Variants in TANC1 observed in about 807,000 individuals in gnomAD.
The protein encoded by TANC1 is protein TANC1.
Under a neutral mutation model 149.7 loss-of-function variants are expected in TANC1, and 77 were observed. That is an observed-to-expected ratio of 0.51 (90% CI 0.43 to 0.62). TANC1 has a LOEUF of 0.62. Among genes scored for constraint, TANC1 ranks in the 20% least tolerant of loss-of-function variants. The probability of loss-of-function intolerance (pLI) is 0.00; values close to 1 mark genes in which losing one functional copy is unlikely to be tolerated. For missense variants in TANC1, 1,985 were observed against 2,321.8 expected (o/e 0.85, Z 2.98); for synonymous variants, 854 against 925.0 (o/e 0.92, Z 1.39).
At chr2:159,015,222 G>A (rs2038149219) in intron 2 of TANC1, among the ~76,000 whole-genome samples, 1 of 152,220 alleles carries the variant, frequency 6.6e-6, no homozygotes, top group Admixed American at 6.5e-5. Flanking sequence ...TGACTTCTGT[G>A]CACTGGCAGG....
chr2:158,986,650 T>C (rs1463394668), intron 1 of TANC1, among the ~76,000 whole-genome samples: 1 of 152,160 alleles, frequency 6.6e-6, no homozygotes, highest in Non-Finnish European at 1.5e-5. Flanking sequence ...GAGAAATGTT[T>C]GGCTTTCCCA....
chr2:159,038,255 T>G (rs1460319428), intron 2 of TANC1, among the ~76,000 whole-genome samples: 5 of 152,244 alleles, frequency 3.3e-5, no homozygotes. Context: ...GATTTTGGGC[T>G]GAGACGATGG....
intron 15 of TANC1, 27 bp from the exon 16 acceptor site, chr2:159,186,875 T>A: frequency 6.2e-7 from 1 of 1,614,016 alleles, no homozygotes; most frequent in Non-Finnish European, 8.5e-7. Context: ...TCTGATTGTT[T>A]CCAAGATCTG....
At chr2:158,981,583 G>A (rs1332238617) in intron 1 of TANC1, among the ~76,000 whole-genome samples, 1 of 133,094 alleles carries the variant, frequency 7.5e-6, no homozygotes, top group East Asian at 2.2e-4. Flanking sequence ...AGGTTTATTA[G>A]TATATCAAAG....
At chr2:159,138,000 T>G (rs1315467155) in intron 5 of TANC1, among the ~76,000 whole-genome samples, 3 of 152,220 alleles carry the variant, frequency 2.0e-5, no homozygotes, top group African/African-American at 7.2e-5. Flanking sequence ...TCTCCCTTGC[T>G]CAAAGCAGAA....
At chr2:159,119,172 A>T (rs1261646021) in intron 4 of TANC1, among the ~76,000 whole-genome samples, 1 of 152,174 alleles carries the variant, frequency 6.6e-6, no homozygotes, top group Non-Finnish European at 1.5e-5. Context: ...AAATGTCTTC[A>T]GATGTTTTTG....
At chr2:159,195,460 G>A (rs56157902) in intron 17 of TANC1, among the ~76,000 whole-genome samples, 3 of 151,966 alleles carry the variant, frequency 2.0e-5, no homozygotes, top group Admixed American at 6.6e-5. Flanking sequence ...GAATGATATC[G>A]AGCTCACAGT....
At chr2:159,197,117 C>A (rs991779243) in intron 18 of TANC1, among the ~76,000 whole-genome samples, 9 of 152,132 alleles carry the variant, frequency 5.9e-5, no homozygotes, top group Non-Finnish European at 8.8e-5. Context: ...CCCTTTGATT[C>A]GTTTCTTCTG....
intron 19 of TANC1, among the ~76,000 whole-genome samples, chr2:159,210,220 G>A (rs577313295): frequency 1.1e-4 from 16 of 152,262 alleles, no homozygotes; most frequent in South Asian, 4.1e-4. Context: ...TTCTGTGTGC[G>A]CTGACCCTGC....
At chr2:159,116,457 A>C (rs13008958) in intron 4 of TANC1, among the ~76,000 whole-genome samples, 26,489 of 97,834 alleles carry the variant, frequency 0.27, 2,527 homozygotes, top group South Asian at 0.37. Context: ...ACAACAACAA[A>C]AAAAAAAAAA....
At position 159,015,267 on chromosome 2, in the gene TANC1, C is replaced by T. The variant is rs185303786; in HGVS notation, c.-16+14078C>T. Among the ~76,000 whole-genome samples the T allele has an allele frequency of 4.5e-3, 688 of 152,328 alleles. 5 individuals carry two copies. The highest frequency in any genetic ancestry group is 0.015 in the African/African-American group (642 of 41,578). ...ATGTGGAAGCTGCCAAGGCTTGGGG[C>T]TTATACCCTCTGAGGCCACAGTCCA... On this transcript the variant is annotated intron_variant, in intron 2 of 26. Transcript: ENST00000263635.
intron 10 of TANC1, among the ~76,000 whole-genome samples, chr2:159,171,793 G>T (rs1292166424): frequency 6.7e-6 from 1 of 148,844 alleles, no homozygotes; most frequent in Non-Finnish European, 1.5e-5. Flanking sequence ...GGAGGTCGAG[G>T]TTGCAGTGAG....
At chr2:159,175,268 G>T in intron 12 of TANC1, 84 bp downstream of exon 12, 1 of 1,120,838 alleles carries the variant, frequency 8.9e-7, no homozygotes. Context: ...GTGGTCAGCC[G>T]GGCTGGGGTA....
At chr2:159,194,585 C>G in intron 17 of TANC1, 92 bp downstream of exon 17, 1 of 1,127,050 alleles carries the variant, frequency 8.9e-7, no homozygotes, top group East Asian at 2.4e-5. Flanking sequence ...ACTCTCTTGT[C>G]TCTGAAACCA....
intron 2 of TANC1, among the ~76,000 whole-genome samples, chr2:159,051,750 T>G (rs1328656123): frequency 6.6e-6 from 1 of 151,366 alleles, no homozygotes. Flanking sequence ...CCCCAGCTCT[T>G]CCAGAACTGC....
intron 1 of TANC1, among the ~76,000 whole-genome samples, chr2:158,987,669 T>C (rs2035167805): frequency 6.6e-6 from 1 of 152,190 alleles, no homozygotes; most frequent in South Asian, 2.1e-4. Flanking sequence ...AGTAGAAGCT[T>C]TGAAGCCAGA....
At chr2:159,178,384 A>G (rs2056107059) in intron 13 of TANC1, among the ~76,000 whole-genome samples, 172 bp from the exon 14 acceptor site, 1 of 152,236 alleles carries the variant, frequency 6.6e-6, no homozygotes, top group Admixed American at 6.5e-5. Context: ...CTTTCACATA[A>G]GCTTTTTATC....
intron 4 of TANC1, among the ~76,000 whole-genome samples, chr2:159,111,873 C>T (rs886424040): frequency 2.6e-5 from 4 of 152,328 alleles, no homozygotes; most frequent in Non-Finnish European, 5.9e-5. Flanking sequence ...GGATGTAACA[C>T]TTGGATATTG....
intron 19 of TANC1, among the ~76,000 whole-genome samples, chr2:159,217,135 G>GCTGC (rs1476583483): frequency 1.3e-5 from 2 of 152,270 alleles, no homozygotes; most frequent in East Asian, 3.9e-4. Context: ...TGGCTGGCTG[G>GCTGC]TGCTGGCTGT....
Sources: allele counts gnomAD v4.1 joint callset (sites outside exome capture counted in the v4.1 genomes callset), GRCh38; gene constraint gnomAD v4.1.1; transcripts MANE v1.5; gene names NCBI Gene and HGNC (gene_info 2026-07-23, HGNC 2026-07-21).